Variants in SPAG16 observed in about 807,000 individuals in gnomAD.
SPAG16 encodes the protein sperm-associated antigen 16 protein.
SPAG16 carries 86 observed loss-of-function variants against 80.4 expected under a neutral mutation model. The ratio of observed to expected loss-of-function variants is 1.07; its 90% confidence interval spans 0.90 to 1.28. SPAG16 has a LOEUF of 1.28. Ranked by LOEUF, SPAG16 falls within the 50% of genes most tolerant of loss-of-function variation. The pLI is 0.00. For synonymous variants in SPAG16, 294 were observed against 265.9 expected (o/e 1.11, Z -1.03); for missense variants, 870 against 765.3 (o/e 1.14, Z -1.61).
At chr2:213,441,216 A>G (rs2070931781) in intron 9 of SPAG16, among the ~76,000 whole-genome samples, 1 of 152,220 alleles carries the variant, frequency 6.6e-6, no homozygotes, top group Non-Finnish European at 1.5e-5. Context: ...CAACATAAGC[A>G]ACTTTATTTG....
intron 10 of SPAG16, among the ~76,000 whole-genome samples, chr2:213,838,660 G>A (rs540263886): frequency 2.6e-5 from 4 of 152,324 alleles, no homozygotes; most frequent in African/African-American, 9.6e-5. Context: ...TTCCGATGAG[G>A]TGATCAGAGG....
rs182009575 is a variant in SPAG16, at chr2:213,768,840, A to G, written c.1071-93645A>G. Among the ~76,000 whole-genome samples the G allele has an allele frequency of 5.8e-4, 89 of 152,338 alleles. 2 individuals carry two copies. In the East Asian group the frequency reaches 0.014, roughly 24 times the overall value. Reference sequence around the variant, plus strand: ...GCCATGCTGGACAAGTATGTATCAGAGAGGAATGCCTAGAACAATGCCCAT... The same window carrying G: ...GCCATGCTGGACAAGTATGTATCAGGGAGGAATGCCTAGAACAATGCCCAT... On this transcript the variant is annotated intron_variant, in intron 10 of 15. Transcript: ENST00000331683.
At chr2:214,385,625 C>T (rs1241067257) in intron 15 of SPAG16, among the ~76,000 whole-genome samples, 1 of 152,210 alleles carries the variant, frequency 6.6e-6, no homozygotes. Flanking sequence ...AGGTGGATCA[C>T]ATGACGTCAG....
chr2:213,889,544 AG>A (rs934837529), intron 11 of SPAG16, among the ~76,000 whole-genome samples: 7 of 151,310 alleles, frequency 4.6e-5, no homozygotes, highest in African/African-American at 1.7e-4. Context: ...TTACAGTCAA[AG>A]GGGGCTGTTC....
rs938499118 is a variant in SPAG16, at chr2:214,273,993, C to G, written c.1720+124727C>G. Among the ~76,000 whole-genome samples, 3 of 152,104 alleles carry G rather than the reference C, an allele frequency of 2.0e-5. 1 individual carries two copies. The highest frequency in any genetic ancestry group is 2.9e-5 in the Non-Finnish European group (2 of 68,020). ...TCGTTGAGCAGTAGTTTGCAGTTCTCCTTGAAGAGGCCCTTCACATCCCTT... is the reference window on the plus strand; with the variant it reads ...TCGTTGAGCAGTAGTTTGCAGTTCTGCTTGAAGAGGCCCTTCACATCCCTT... On this transcript the variant is annotated intron_variant, in intron 15 of 15. Transcript: ENST00000331683.
intron 10 of SPAG16, among the ~76,000 whole-genome samples, chr2:213,512,835 A>G (rs1219799488): frequency 6.6e-6 from 1 of 152,148 alleles, no homozygotes; most frequent in Non-Finnish European, 1.5e-5. Flanking sequence ...TTGACTTGAA[A>G]GAGACTGCCA....
intron 7 of SPAG16, 39 bp from the exon 8 acceptor site, chr2:213,364,037 T>G: frequency 2.0e-6 from 2 of 1,008,626 alleles, no homozygotes; most frequent in Non-Finnish European, 2.8e-6. Flanking sequence ...TAAAAGTCAT[T>G]TAGTGTATAA....
At chr2:213,733,737 A>G (rs2067166451) in intron 10 of SPAG16, among the ~76,000 whole-genome samples, 1 of 151,700 alleles carries the variant, frequency 6.6e-6, no homozygotes, top group Admixed American at 6.6e-5. Flanking sequence ...TTCAAGTGAG[A>G]CTTCTGTTGT....
At chr2:213,845,659 CTTAA>C (rs1269182365) in intron 10 of SPAG16, among the ~76,000 whole-genome samples, 1 of 152,078 alleles carries the variant, frequency 6.6e-6, no homozygotes, top group Non-Finnish European at 1.5e-5. Flanking sequence ...CTTTCATCAC[CTTAA>C]TTCTTTGTTA....
intron 13 of SPAG16, among the ~76,000 whole-genome samples, chr2:214,016,730 G>A (rs1278499880): frequency 1.3e-5 from 2 of 152,104 alleles, no homozygotes; most frequent in Admixed American, 6.6e-5. Context: ...ATAACTTGAA[G>A]AATGCCAATA....
chr2:214,320,729 G>C (rs1696036865), intron 15 of SPAG16, among the ~76,000 whole-genome samples: 1 of 152,122 alleles, frequency 6.6e-6, no homozygotes. Context: ...AGAACAGCAT[G>C]GGGGAAACTG....
intron 11 of SPAG16, among the ~76,000 whole-genome samples, chr2:213,918,853 C>T (rs1202728741): frequency 6.6e-6 from 1 of 151,710 alleles, no homozygotes; most frequent in Non-Finnish European, 1.5e-5. Flanking sequence ...TTCCTGGGTT[C>T]AGTCTTGGGA....
At chr2:213,289,164 T>C (rs1277958443) in intron 1 of SPAG16, among the ~76,000 whole-genome samples, 2 of 152,214 alleles carry the variant, frequency 1.3e-5, no homozygotes, top group East Asian at 3.8e-4. Flanking sequence ...GGTGCTGCGG[T>C]TGCTGCTGGT....
chr2:214,107,247 A>T (rs1250905163), intron 13 of SPAG16, among the ~76,000 whole-genome samples: 1 of 152,158 alleles, frequency 6.6e-6, no homozygotes, highest in Non-Finnish European at 1.5e-5. Context: ...CTAGAATATA[A>T]GGTCCGTGAG....
chr2:214,108,158 G>T (rs1174965451), intron 13 of SPAG16, 38 bp from the exon 14 acceptor site: 2 of 1,501,892 alleles, frequency 1.3e-6, no homozygotes, highest in East Asian at 4.6e-5. Flanking sequence ...CGTTCCAAAA[G>T]AAATTTATTT....
intron 10 of SPAG16, among the ~76,000 whole-genome samples, chr2:213,727,422 G>A (rs1288538317): frequency 6.6e-6 from 1 of 152,090 alleles, no homozygotes; most frequent in African/African-American, 2.4e-5. Flanking sequence ...GTTGGTTTGA[G>A]TGCTTGATAT....
At chr2:214,296,570 A>G (rs972105683) in intron 15 of SPAG16, among the ~76,000 whole-genome samples, 1 of 152,154 alleles carries the variant, frequency 6.6e-6, no homozygotes, top group Non-Finnish European at 1.5e-5. Flanking sequence ...TGACTTTTTA[A>G]TAATAGCCAC....
At chr2:214,189,076 A>G (rs1002835031) in intron 15 of SPAG16, among the ~76,000 whole-genome samples, 16 of 152,132 alleles carry the variant, frequency 1.1e-4, no homozygotes, top group Non-Finnish European at 1.9e-4. Context: ...TAACAAATCC[A>G]TTTGTATAAG....
intron 10 of SPAG16, among the ~76,000 whole-genome samples, chr2:213,751,564 C>T (rs555127151): frequency 6.6e-6 from 1 of 152,316 alleles, no homozygotes; most frequent in Admixed American, 6.5e-5. Flanking sequence ...GTCTTACCGT[C>T]AGCCTCCTGT....
Sources: allele counts gnomAD v4.1 joint callset (sites outside exome capture counted in the v4.1 genomes callset), GRCh38; gene constraint gnomAD v4.1.1; transcripts MANE v1.5; gene names NCBI Gene and HGNC (gene_info 2026-07-23, HGNC 2026-07-21).